DIRAS1: variants seen among roughly 807,000 people sequenced by gnomAD.
DIRAS1 encodes the protein GTP-binding protein Di-Ras1.
In DIRAS1, 3 loss-of-function variants were observed where a neutral mutation model predicts 11.5. That is an observed-to-expected ratio of 0.26 (90% confidence interval 0.12 to 0.67). The LOEUF is 0.67. Among genes scored for constraint, DIRAS1 ranks in the 30% least tolerant of loss-of-function variants. DIRAS1 has a pLI of 0.80. For synonymous variants in DIRAS1, 128 were observed against 125.8 expected, an observed-to-expected ratio of 1.02 and a Z score of -0.12; for missense variants, 212 against 285.3, an observed-to-expected ratio of 0.74 and a Z score of 1.85.
chr19:2,720,949 G>A (rs900656281), intron 1 of DIRAS1, among the ~76,000 whole-genome samples: 2 of 151,398 alleles, frequency 1.3e-5, no homozygotes, highest in Non-Finnish European at 3.0e-5. Flanking sequence ...GCTTGGCTGG[G>A]CAGCGGGGCG....
intron 1 of DIRAS1, 85 bp from the exon 2 acceptor site, chr19:2,717,960 C>A (rs1030081486): frequency 5.0e-6 from 4 of 793,104 alleles, no homozygotes; most frequent in Non-Finnish European, 7.8e-6. Flanking sequence ...GAGGACATGG[C>A]GGCTTCTCAG....
chr19:2,717,222 G>A lies in DIRAS1; in HGVS notation c.585C>T (p.Cys195=), dbSNP rs766065756. Residue 195 remains cysteine, a synonymous_variant, in exon 2 of 2, where the codon TGC becomes TGT. Transcript: ENST00000323469. The stretch of plus-strand genomic sequence containing the variant: ...GGGCGTTCCGGGCTCACATGAGGGT[G>A]CATTTGCCCTTGACGCGGTCTGTCC... ...QKRTDRVKGK[C]TLM 2 of 1,590,262 alleles carry A rather than the reference G, an allele frequency of 1.3e-6. No homozygotes were observed. Among genetic ancestry groups the A allele is most frequent in the Non-Finnish European group, 1.7e-6 (2 of 1,164,508 alleles).
chr19:2,718,116 G>A lies in DIRAS1; in HGVS notation c.-69-241C>T, dbSNP rs1047027535. 2.6e-5 allele frequency among the ~76,000 whole-genome samples: 4 copies of A among 152,234 alleles called. No individual in the cohort carries two copies. Among genetic ancestry groups the A allele is most frequent in the Admixed American group, 2.6e-4 (4 of 15,284 alleles). ...AATCTGGGGCCTGAGCTTCCCCGGG[G>A]GACGCTGAGCTAGGAGAGGCGTGGG... On this transcript the variant is annotated intron_variant, in intron 1 of 1. Transcript: ENST00000323469. This position sits in a 1 kb window ranked among gnomAD's most constrained non-coding sequence, Gnocchi z 4.2.
chr19:2,715,490 C>A lies in DIRAS1; in HGVS notation c.*1720G>T, dbSNP rs1913768039. The A allele has an allele frequency of 2.0e-5, 3 of 152,222 alleles. No individual in the cohort carries two copies. Among genetic ancestry groups the A allele is most frequent in the Admixed American group, 2.0e-4 (3 of 15,280 alleles). 9.4% of individuals were successfully genotyped at this position (152,222 alleles called of 1,614,324 possible). ...AACAGCAAGGAACTGAATGCTGCAA[C>A]AACCACATGAGCTTCTAAGAAGCAA... On this transcript the variant is annotated 3_prime_UTR_variant, in exon 2 of 2. Transcript: ENST00000323469.
rs761356273 is a variant in DIRAS1 at position 2,717,205 on chromosome 19, C to G, written c.*5G>C. ...GTGGGCGGCGGGCAGGCGGGCGTTC[C>G]GGGCTCACATGAGGGTGCATTTGCC... On this transcript the variant is annotated 3_prime_UTR_variant, in exon 2 of 2. Coordinates refer to ENST00000323469, the MANE Select transcript of DIRAS1 (RefSeq NM_145173.4). 2 of 1,572,726 alleles carry G rather than the reference C, an allele frequency of 1.3e-6. No homozygotes were observed. Among genetic ancestry groups the G allele is most frequent in the Non-Finnish European group, 1.7e-6 (2 of 1,156,206 alleles).
At position 2,716,159 on chromosome 19, in the gene DIRAS1, C is replaced by T. The variant is rs1377539256; in HGVS notation, c.*1051G>A. 1.3e-5 allele frequency: 2 copies of T among 152,314 alleles called. No individual in the cohort carries two copies. Among genetic ancestry groups the T allele is most frequent in the Admixed American group, 6.5e-5 (1 of 15,286 alleles). 9.4% of individuals were successfully genotyped at this position (152,314 alleles called of 1,614,324 possible). On this transcript the variant is annotated 3_prime_UTR_variant, in exon 2 of 2. Transcript: ENST00000323469. ...ACGAGTGTGGTGTCACTCAGACTCTCTCAAAAAACACCCAGAACCTCATGG... is the reference window on the plus strand; with the variant it reads ...ACGAGTGTGGTGTCACTCAGACTCTTTCAAAAAACACCCAGAACCTCATGG...
In DIRAS1 at chr19:2,717,074, GC is replaced by G. The variant is rs138933543; in HGVS notation, c.*135del. ...GTGGGCAGGGGCAGCGGAGGGGGGGGCGGTGGCCTCGGTTTCCCCAGCCGAG... is the reference window on the plus strand; with the variant it reads ...GTGGGCAGGGGCAGCGGAGGGGGGGGGGTGGCCTCGGTTTCCCCAGCCGAG... On this transcript the variant is annotated 3_prime_UTR_variant, in exon 2 of 2. Transcript: ENST00000323469. The G allele has an allele frequency of 6.6e-3, 5,855 of 883,978 alleles. 149 individuals are homozygous for G. In the African/African-American group the frequency reaches 0.095, roughly 14 times the overall value. The allele number at this position is 883,978 out of a possible 1,614,324, so 54.8% of individuals were successfully genotyped here.
In DIRAS1 at chr19:2,717,315, C is replaced by A; in HGVS notation, c.492G>T (p.Leu164=). The A allele has an allele frequency of 1.2e-6, 2 of 1,612,292 alleles. No individual in the cohort carries two copies. The highest frequency in any genetic ancestry group is 1.7e-6 in the Non-Finnish European group (2 of 1,179,966). The change falls in exon 2 of 2, where the codon CTG becomes CTT. Residue 164 remains leucine, a synonymous_variant. Coordinates refer to ENST00000323469, the MANE Select transcript of DIRAS1 (RefSeq NM_145173.4). ...NYNVKELFQE[L]LTLETRRNMS... is the part of the protein sequence containing the mutation. Reference sequence around the variant, plus strand: ...TGTTCCGGCGCGTCTCCAGCGTCAGCAGCTCCTGGAAGAGCTCCTTGACGT... The same window carrying A: ...TGTTCCGGCGCGTCTCCAGCGTCAGAAGCTCCTGGAAGAGCTCCTTGACGT...
intron 1 of DIRAS1, among the ~76,000 whole-genome samples, chr19:2,720,634 G>T (rs1009017909): frequency 2.6e-5 from 4 of 152,202 alleles, no homozygotes; most frequent in African/African-American, 4.8e-5. Context: ...CCTGAAGCCC[G>T]GCTCCCGGCC....
At chr19:2,720,712 C>A (rs958117528) in intron 1 of DIRAS1, among the ~76,000 whole-genome samples, 1 of 152,138 alleles carries the variant, frequency 6.6e-6, no homozygotes, top group Admixed American at 6.5e-5. Flanking sequence ...GCAGAGAGAG[C>A]CGCGACCCAG....
At position 2,716,814 on chromosome 19, in the gene DIRAS1, G is replaced by T; in HGVS notation, c.*396C>A. ...GAAGGTCACAGTGATCAAATGTGAG[G>T]GACAGGACGCGCAGGTCTGGCTGGG... On this transcript the variant is annotated 3_prime_UTR_variant, in exon 2 of 2. Transcript: ENST00000323469. 1 of 212,826 alleles carries T rather than the reference G, an allele frequency of 4.7e-6. No individual in the cohort carries two copies. The highest frequency in any genetic ancestry group is 1.1e-4 in the East Asian group (1 of 8,740). 13.2% of individuals were successfully genotyped at this position (212,826 alleles called of 1,614,324 possible). A position where few individuals can be genotyped will look rare whatever the true frequency, so the allele number is the denominator to read the frequency against.
At position 2,717,153 on chromosome 19, in the gene DIRAS1, T is replaced by TG. The variant is rs1913830401; in HGVS notation, c.*56dup. 5.1e-5 allele frequency: 62 copies of TG among 1,224,400 alleles called. 2 individuals are homozygous for TG. In the South Asian group the frequency reaches 8.1e-4, roughly 16 times the overall value. 75.8% of individuals were successfully genotyped at this position (1,224,400 alleles called of 1,614,324 possible). A position where few individuals can be genotyped will look rare whatever the true frequency, so the allele number is the denominator to read the frequency against. ...AGGAGGCCGAGGAGGGTGTCGGTGT[T>TG]GGGGGAGGCAGCGGGGGTCAGTGGG... is the stretch of plus-strand genomic sequence containing the variant. On this transcript the variant is annotated 3_prime_UTR_variant, in exon 2 of 2. Coordinates refer to ENST00000323469, the MANE Select transcript of DIRAS1 (RefSeq NM_145173.4).
In DIRAS1 at chr19:2,715,498, T is replaced by A. The variant is rs1913768154; in HGVS notation, c.*1712A>T. The A allele has an allele frequency of 6.6e-6, 1 of 152,162 alleles. No homozygotes were observed. The highest frequency in any genetic ancestry group is 2.4e-5 in the African/African-American group (1 of 41,426). The allele number at this position is 152,162 out of a possible 1,614,324, so 9.4% of individuals were successfully genotyped here. ...GGAACTGAATGCTGCAACAACCACA[T>A]GAGCTTCTAAGAAGCAAATCCTTCC... On this transcript the variant is annotated 3_prime_UTR_variant, in exon 2 of 2. Transcript: ENST00000323469.
At position 2,717,694 on chromosome 19, in the gene DIRAS1, G is replaced by A. The variant is rs745326626; in HGVS notation, c.113C>T (p.Pro38Leu). ...VKGTFRDTYI[P>L]TIEDTYRQVI... ...CTGCCGGTAGGTGTCCTCGATGGTGGGGATGTAGGTGTCGCGGAACGTGCC... is the reference window on the plus strand; with the variant it reads ...CTGCCGGTAGGTGTCCTCGATGGTGAGGATGTAGGTGTCGCGGAACGTGCC... Residue 38 changes from proline to leucine, a missense_variant, in exon 2 of 2, where the codon CCC becomes CTC. By Grantham distance (98) the Pro-to-Leu change is moderately conservative (BLOSUM62 -3). This residue lies in a region of DIRAS1 where 128 missense variants were observed against 205.3 expected (regional missense o/e 0.62). Coordinates refer to ENST00000323469, the MANE Select transcript of DIRAS1 (RefSeq NM_145173.4). 3 of 1,611,662 alleles carry A rather than the reference G, an allele frequency of 1.9e-6. No homozygotes were observed. The highest frequency in any genetic ancestry group is 3.3e-5 in the Admixed American group (2 of 60,028).
At position 2,718,786 on chromosome 19, in the gene DIRAS1, A is replaced by G. The variant is rs1427380938; in HGVS notation, c.-69-911T>C. 6.6e-6 allele frequency among the ~76,000 whole-genome samples: 1 copy of G among 151,748 alleles called. No individual in the cohort carries two copies. The highest frequency in any genetic ancestry group is 1.5e-5 in the Non-Finnish European group (1 of 67,938). On this transcript the variant is annotated intron_variant, in intron 1 of 1. Coordinates refer to ENST00000323469, the MANE Select transcript of DIRAS1 (RefSeq NM_145173.4). This position sits in a 1 kb window ranked among gnomAD's most constrained non-coding sequence, Gnocchi z 4.2. ...GTGATCCACCCACCTCGGCCTCCCAAAGTGCTGGGGTTACAGGCGTGAGCC... is the reference window on the plus strand; with the variant it reads ...GTGATCCACCCACCTCGGCCTCCCAGAGTGCTGGGGTTACAGGCGTGAGCC...
In DIRAS1 at chr19:2,717,286, C is replaced by G. The variant is rs766301692; in HGVS notation, c.521G>C (p.Ser174Thr). Residue 174 changes from serine (S) to threonine (T), a missense_variant, in exon 2 of 2, where the codon AGC (serine) becomes ACC (threonine). Coordinates refer to ENST00000323469, the MANE Select transcript of DIRAS1 (RefSeq NM_145173.4). ...GGAGCGCTTGCCGTCGATGTTGAGG[C>G]TCATGTTCCGGCGCGTCTCCAGCGT... ...LLTLETRRNM[S>T]LNIDGKRSGK... 1 of 1,612,414 alleles carries G rather than the reference C, an allele frequency of 6.2e-7. No homozygotes were observed. The highest frequency in any genetic ancestry group is 2.2e-5 in the East Asian group (1 of 44,844).
intron 1 of DIRAS1, among the ~76,000 whole-genome samples, chr19:2,719,583 G>A (rs1913906368): frequency 6.6e-6 from 1 of 151,820 alleles, no homozygotes; most frequent in African/African-American, 2.4e-5. Flanking sequence ...CTGGGGCAGC[G>A]GTGGGGGGTG....
chr19:2,718,406 A>C lies in DIRAS1; in HGVS notation c.-69-531T>G, dbSNP rs1353384449. ...GCCAACCCAGAGATGGCCAATCCTCATGGAAGCCGCACATGGTCGGGTGTT... is the reference window on the plus strand; with the variant it reads ...GCCAACCCAGAGATGGCCAATCCTCCTGGAAGCCGCACATGGTCGGGTGTT... On this transcript the variant is annotated intron_variant, in intron 1 of 1. Coordinates refer to ENST00000323469, the MANE Select transcript of DIRAS1 (RefSeq NM_145173.4). This position sits in a 1 kb window ranked among gnomAD's most constrained non-coding sequence, Gnocchi z 4.2. Among the ~76,000 whole-genome samples the C allele has an allele frequency of 6.6e-6, 1 of 152,222 alleles. No homozygotes were observed. Among genetic ancestry groups the C allele is most frequent in the Admixed American group, 6.5e-5 (1 of 15,282 alleles).
chr19:2,721,344 T>G lies in DIRAS1; in HGVS notation c.-110A>C, dbSNP rs1409456701. The G allele has an allele frequency of 2.1e-5, 3 of 144,148 alleles. No homozygotes were observed. Among genetic ancestry groups the G allele is most frequent in the Non-Finnish European group, 4.6e-5 (3 of 65,170 alleles). The allele number at this position is 144,148 out of a possible 1,614,324, so 8.9% of individuals were successfully genotyped here. On this transcript the variant is annotated 5_prime_UTR_variant, in exon 1 of 2. Transcript: ENST00000323469. ...CCTGCGGCGCCGCGGCCGCTGCTCC[T>G]GCCCGCTCCGGTGTCCGCTGGCGCC...
Sources: gnomAD v4.1 joint callset for allele counts (sites outside exome capture counted in the v4.1 genomes callset) on GRCh38, gnomAD v4.1.1 for gene constraint, gnomAD v4.1.1 regional missense constraint, Gnocchi (gnomAD v3.1) non-coding constraint, MANE v1.5 for transcripts, NCBI Gene and HGNC (gene_info 2026-07-23, HGNC 2026-07-21) for gene names.